TOX: variants seen among roughly 807,000 people sequenced by gnomAD.
The protein encoded by TOX is thymocyte selection-associated high mobility group box protein TOX.
In TOX, 11 loss-of-function variants were observed where a neutral mutation model predicts 53.7. The ratio of observed to expected loss-of-function variants is 0.20; its 90% confidence interval spans 0.13 to 0.34. The LOEUF is 0.34. Ranked by LOEUF, TOX falls within the 10% of genes least tolerant of loss-of-function variation. The pLI is 1.00. For missense variants in TOX, 570 were observed against 664.6 expected (o/e 0.86, Z 1.56); for synonymous variants, 225 against 245.3 (o/e 0.92, Z 0.77).
chr8:58,899,098 T>C (rs1409824993), intron 3 of TOX, among the ~76,000 whole-genome samples: 1 of 152,190 alleles, frequency 6.6e-6, no homozygotes, highest in Non-Finnish European at 1.5e-5. Context: ...GGCCTACTTA[T>C]AGGACAGAGT....
chr8:58,889,841 T>C (rs182274915), intron 3 of TOX, among the ~76,000 whole-genome samples: 30 of 152,242 alleles, frequency 2.0e-4, no homozygotes, highest in Admixed American at 1.7e-3. Context: ...AGAAAGTGCA[T>C]TATTAGTTGC....
intron 7 of TOX, among the ~76,000 whole-genome samples, chr8:58,810,162 A>T (rs1289242230): frequency 6.6e-6 from 1 of 151,628 alleles, no homozygotes; most frequent in African/African-American, 2.4e-5. Context: ...ATTTAAATTT[A>T]TTTATTTATT....
intron 3 of TOX, among the ~76,000 whole-genome samples, chr8:58,878,430 C>A (rs1261090838): frequency 6.6e-6 from 1 of 152,170 alleles, no homozygotes; most frequent in Non-Finnish European, 1.5e-5. Flanking sequence ...ATCTTTAAAA[C>A]TAGTGAGGCT....
In TOX at chr8:59,118,913, G is replaced by A; in HGVS notation, c.75C>T (p.Pro25=). 1 of 1,597,934 alleles carries A rather than the reference G, an allele frequency of 6.3e-7. No individual in the cohort carries two copies. The highest frequency in any genetic ancestry group is 1.7e-5 in the Admixed American group (1 of 58,738). The change falls in exon 1 of 9, where the codon CCC becomes CCT. Residue 25 remains proline, a synonymous_variant. Coordinates refer to ENST00000361421, the MANE Select transcript of TOX (RefSeq NM_014729.3). This position sits in a 1 kb window ranked among gnomAD's most constrained non-coding sequence, Gnocchi z 4.1. Reference sequence around the variant, plus strand: ...TGTTGCAATAGTAGGGGTCCAGGCAGGGAGAAGGTCCCAGACAGGGAGCGT... The same window carrying A: ...TGTTGCAATAGTAGGGGTCCAGGCAAGGAGAAGGTCCCAGACAGGGAGCGT... The part of the protein sequence containing the change: ...APDAPCLGPS[P]CLDPYYCNKF...
At chr8:59,008,198 T>C (rs1585960098) in intron 1 of TOX, among the ~76,000 whole-genome samples, 1 of 152,348 alleles carries the variant, frequency 6.6e-6, no homozygotes, top group East Asian at 1.9e-4. Context: ...GATCTGTGTG[T>C]TTGCTTGGAT....
intron 3 of TOX, among the ~76,000 whole-genome samples, chr8:58,891,175 C>T (rs980021017): frequency 6.6e-6 from 1 of 151,904 alleles, no homozygotes; most frequent in Admixed American, 6.6e-5. Context: ...TTAGGAACAG[C>T]GCTGAGTTGT....
chr8:58,927,297 C>T (rs977636885), intron 3 of TOX, among the ~76,000 whole-genome samples: 2 of 152,066 alleles, frequency 1.3e-5, no homozygotes, highest in African/African-American at 2.4e-5. Flanking sequence ...ATCACGGTGC[C>T]GAGTTCATCA....
intron 1 of TOX, among the ~76,000 whole-genome samples, chr8:59,060,708 T>C (rs1297946431): frequency 1.3e-5 from 2 of 152,252 alleles, no homozygotes; most frequent in African/African-American, 4.8e-5. Flanking sequence ...GTTTGTTTTA[T>C]ACCTGTCACC....
chr8:59,026,119 T>A (rs1814232615), intron 1 of TOX, among the ~76,000 whole-genome samples: 1 of 118,106 alleles, frequency 8.5e-6, no homozygotes, highest in Non-Finnish European at 1.9e-5. Context: ...CACTTAATTT[T>A]ATGTTTTTTT....
At chr8:59,084,148 A>G (rs1477601558) in intron 1 of TOX, among the ~76,000 whole-genome samples, 1 of 152,150 alleles carries the variant, frequency 6.6e-6, no homozygotes, top group African/African-American at 2.4e-5. Flanking sequence ...TATTCCATTC[A>G]CTGGGTTTAT....
intron 3 of TOX, among the ~76,000 whole-genome samples, chr8:58,903,557 T>C (rs1811764337): frequency 6.6e-6 from 1 of 152,220 alleles, no homozygotes; most frequent in Non-Finnish European, 1.5e-5. Context: ...AGAATTGGAC[T>C]CAGTTGGGTG....
chr8:58,807,603 G>A lies in TOX; in HGVS notation c.*144C>T. ...AAGCATGACTATTTCTTCCAGAGTGGGTGACCCACAAGCTCAAATGGTCCT... is the reference window on the plus strand; with the variant it reads ...AAGCATGACTATTTCTTCCAGAGTGAGTGACCCACAAGCTCAAATGGTCCT... On this transcript the variant is annotated 3_prime_UTR_variant, in exon 9 of 9. Transcript: ENST00000361421. 3 of 747,166 alleles carry A rather than the reference G, an allele frequency of 4.0e-6. No individual in the cohort carries two copies. The East Asian group carries it at 8.0e-5, about 20-fold the overall frequency. 46.3% of individuals were successfully genotyped at this position (747,166 alleles called of 1,614,324 possible). A position where few individuals can be genotyped will look rare whatever the true frequency, so the allele number is the denominator to read the frequency against.
At chr8:58,880,990 CTATATAGGAGG>C (rs1293649193) in intron 3 of TOX, among the ~76,000 whole-genome samples, 1 of 151,932 alleles carries the variant, frequency 6.6e-6, no homozygotes, top group Non-Finnish European at 1.5e-5. Context: ...TGCAGGCCTC[CTATATAGGAGG>C]CATTGTCCTG....
chr8:58,952,884 G>A (rs1812647035), intron 2 of TOX, among the ~76,000 whole-genome samples: 1 of 152,128 alleles, frequency 6.6e-6, no homozygotes, highest in Non-Finnish European at 1.5e-5. Flanking sequence ...CCCATCAGCA[G>A]CCTCATTAGT....
At position 58,939,478 on chromosome 8, in the gene TOX, G is replaced by T; in HGVS notation, c.235C>A (p.Pro79Thr). The change falls in exon 3 of 9, where the codon CCA becomes ACA. Residue 79 changes from proline to threonine, a missense_variant. Physicochemically the swap from Pro to Thr is conservative, Grantham distance 38. Coordinates refer to ENST00000361421, the MANE Select transcript of TOX (RefSeq NM_014729.3). ...NIPPITPPSL[P>T]DHSLVHLNEV... ...TTCAGGTGCACCAGCGAGTGGTCTGGGAGGGAAGGAGGAGTAATTGGTGGA... is the reference window on the plus strand; with the variant it reads ...TTCAGGTGCACCAGCGAGTGGTCTGTGAGGGAAGGAGGAGTAATTGGTGGA... 6.2e-7 allele frequency: 1 copy of T among 1,614,168 alleles called. No homozygotes were observed. Among genetic ancestry groups the T allele is most frequent in the Non-Finnish European group, 8.5e-7 (1 of 1,180,014 alleles).
intron 3 of TOX, among the ~76,000 whole-genome samples, chr8:58,880,664 C>A (rs1811368683): frequency 6.6e-6 from 1 of 152,054 alleles, no homozygotes; most frequent in Non-Finnish European, 1.5e-5. Context: ...TCTGCATGGG[C>A]CTGAGATGAT....
chr8:58,897,703 C>CTT (rs10649827), intron 3 of TOX, among the ~76,000 whole-genome samples: 1 of 148,390 alleles, frequency 6.7e-6, no homozygotes, highest in Non-Finnish European at 1.5e-5. Flanking sequence ...AAATGGAAGT[C>CTT]TTTTTTTTTT....
chr8:58,854,026 C>A (rs754578744), intron 3 of TOX, among the ~76,000 whole-genome samples: 9 of 152,190 alleles, frequency 5.9e-5, no homozygotes, highest in Non-Finnish European at 1.0e-4. Flanking sequence ...GTAATGGCTA[C>A]CTGTAAGTGG....
chr8:58,971,208 G>T (rs1212945811), intron 1 of TOX, among the ~76,000 whole-genome samples: 3 of 152,234 alleles, frequency 2.0e-5, no homozygotes, highest in African/African-American at 7.2e-5. Flanking sequence ...GCACTGCTCT[G>T]AATCTGTAGC....
Sources: gnomAD v4.1 joint callset for allele counts (sites outside exome capture counted in the v4.1 genomes callset) on GRCh38, gnomAD v4.1.1 for gene constraint, Gnocchi (gnomAD v3.1) non-coding constraint, MANE v1.5 for transcripts, NCBI Gene and HGNC (gene_info 2026-07-23, HGNC 2026-07-21) for gene names.